Variants in TBL3 observed in about 807,000 individuals in gnomAD.
The protein encoded by TBL3 is transducin beta-like protein 3.
In TBL3, 71 loss-of-function variants were observed where a neutral mutation model predicts 102.7. That is an observed-to-expected ratio of 0.69 (90% CI 0.57 to 0.84). TBL3 has a LOEUF of 0.84. Ranked by LOEUF, TBL3 falls within the 40% of genes least tolerant of loss-of-function variation. The pLI, the probability that TBL3 is intolerant of heterozygous loss-of-function variation, is 0.00. For synonymous variants in TBL3, 578 were observed against 477.7 expected (o/e 1.21, Z -2.74); for missense variants, 1,188 against 1,098.5 (o/e 1.08, Z -1.15).
In TBL3 at chr16:1,975,040, G is replaced by A. The variant is rs1180226636; in HGVS notation, c.577G>A (p.Ala193Thr). The change falls in exon 7 of 22, where the codon GCC becomes ACC. Residue 193 changes from alanine to threonine, a missense_variant. Physicochemically the swap from Ala to Thr is moderately conservative, Grantham distance 58. Transcript: ENST00000568546. ...QDRSCLAVLT[A>T]HYSAVTSLAF... is the part of the protein sequence containing the mutation. ...CCGGTCATGCCTGGCTGTGCTGACTGCCCACTACAGCGCCGTCACCTCACT... is the reference window on the plus strand; with the variant it reads ...CCGGTCATGCCTGGCTGTGCTGACTACCCACTACAGCGCCGTCACCTCACT... 6.2e-7 allele frequency: 1 copy of A among 1,607,418 alleles called. No individual in the cohort carries two copies.
Position 1,975,044 on chromosome 16 carries a change from A to C in TBL3, c.581A>C (p.His194Pro). 5 of 1,607,572 alleles carry C rather than the reference A, an allele frequency of 3.1e-6. 1 individual carries two copies. In the South Asian group the frequency reaches 5.5e-5, roughly 18 times the overall value. ...TCATGCCTGGCTGTGCTGACTGCCC[A>C]CTACAGCGCCGTCACCTCACTGGCC... is the stretch of plus-strand genomic sequence containing the variant. Reference protein sequence around the residue: ...DRSCLAVLTAHYSAVTSLAFS... With the variant: ...DRSCLAVLTAPYSAVTSLAFS... Residue 194 changes from histidine to proline, a missense_variant, in exon 7 of 22, where the codon CAC becomes CCC. By Grantham distance (77) the His-to-Pro change is moderately conservative. Transcript: ENST00000568546.
rs759331123 is a variant in TBL3, at chr16:1,975,523, A to G, written c.806-6A>G. 11 of 1,597,676 alleles carry G rather than the reference A, an allele frequency of 6.9e-6. No individual in the cohort carries two copies. The highest frequency in any genetic ancestry group is 8.5e-6 in the Non-Finnish European group (10 of 1,174,796). On this transcript the variant is annotated splice_region_variant and splice_polypyrimidine_tract_variant and intron_variant, in intron 9 of 21. Coordinates refer to ENST00000568546, the MANE Select transcript of TBL3 (RefSeq NM_006453.3). ...AGTCTCAGCAGCCCTGTCCCCACCC[A>G]CACAGGCACTCTGCGCGTGTGGGAG...
Position 1,979,279 on chromosome 16 carries a change from C to A in TBL3, c.*594C>A. On this transcript the variant is annotated 3_prime_UTR_variant, in exon 22 of 22. Transcript: ENST00000568546. ...TCGTCTCCTCCACGGAACCCCGTCC[C>A]GCTCAGGAGAGCGCCCAGCCCTTCC... 2 of 1,552,680 alleles carry A rather than the reference C, an allele frequency of 1.3e-6. No individual in the cohort carries two copies. Among genetic ancestry groups the A allele is most frequent in the Middle Eastern group, 1.9e-4 (1 of 5,244 alleles).
Position 1,979,599 on chromosome 16 carries a change from G to C in TBL3, c.*914G>C, listed in dbSNP as rs909736102. ...GGGCCACAGAGGACGAGGCCCGCCC[G>C]CACCCTTCTCCACATTCTCCTTGCT... On this transcript the variant is annotated 3_prime_UTR_variant, in exon 22 of 22. Transcript: ENST00000568546. 1.4e-6 allele frequency: 2 copies of C among 1,450,146 alleles called. No individual in the cohort carries two copies. The highest frequency in any genetic ancestry group is 1.8e-5 in the Admixed American group (1 of 56,714). 89.8% of individuals were successfully genotyped at this position (1,450,146 alleles called of 1,614,324 possible).
chr16:1,973,737 G>A (rs1009067199), intron 1 of TBL3, among the ~76,000 whole-genome samples: 1 of 152,280 alleles, frequency 6.6e-6, no homozygotes, highest in African/African-American at 2.4e-5. Flanking sequence ...CGGCAGGGGT[G>A]TTCCCAAGGA....
At chr16:1,972,371 C>T (rs2150881245) in intron 1 of TBL3, among the ~76,000 whole-genome samples, 166 bp downstream of exon 1, 1 of 152,306 alleles carries the variant, frequency 6.6e-6, no homozygotes, top group Non-Finnish European at 1.5e-5. Flanking sequence ...GCGGGAGAGC[C>T]GGCCCCGGCT....
At position 1,975,337 on chromosome 16, in the gene TBL3, G is replaced by A. The variant is rs201113863; in HGVS notation, c.712-8G>A. ...ATGATAGCAGCCTGTGACCCAATTC[G>A]TCTCCAGAGCGTGGAGGCTGCTGTG... On this transcript the variant is annotated splice_region_variant and splice_polypyrimidine_tract_variant and intron_variant, in intron 8 of 21. Coordinates refer to ENST00000568546, the MANE Select transcript of TBL3 (RefSeq NM_006453.3). The A allele has an allele frequency of 2.5e-4, 411 of 1,614,036 alleles. 2 individuals carry two copies. In the East Asian group the frequency reaches 6.0e-3, roughly 23 times the overall value.
rs1193909839 is a variant in TBL3, at chr16:1,982,504, G to A, written c.*3819G>A. On this transcript the variant is annotated 3_prime_UTR_variant, in exon 22 of 22. Coordinates refer to ENST00000568546, the MANE Select transcript of TBL3 (RefSeq NM_006453.3). ...CTGAGGCCACCTGCCTACCCCAGCT[G>A]ACAGCTCCTGCCCCACACCCCATCA... 6.6e-6 allele frequency: 1 copy of A among 152,192 alleles called. No homozygotes were observed. Among genetic ancestry groups the A allele is most frequent in the Non-Finnish European group, 1.5e-5 (1 of 68,094 alleles). The allele number at this position is 152,192 out of a possible 1,614,324, so 9.4% of individuals were successfully genotyped here.
At position 1,977,414 on chromosome 16, in the gene TBL3, A is replaced by G. The variant is rs1229233199; in HGVS notation, c.1730A>G (p.Gln577Arg). The G allele has an allele frequency of 6.3e-7, 1 of 1,579,716 alleles. No homozygotes were observed. The highest frequency in any genetic ancestry group is 2.4e-5 in the East Asian group (1 of 42,484). The change falls in exon 16 of 22, where the codon CAG becomes CGG. Residue 577 changes from glutamine to arginine, a missense_variant. Physicochemically the swap from Gln to Arg is conservative, Grantham distance 43. Transcript: ENST00000568546. ...GTGGCCTTTGTGAGCCGTGGCACGC[A>G]GCTGCTGTCCAGGTGAGTGGGCTGG... ...LKVAFVSRGT[Q>R]LLSSGSDGLV...
At chr16:1,977,692 G>A in intron 17 of TBL3, 22 bp downstream of exon 17, 12 of 1,551,918 alleles carry the variant, frequency 7.7e-6, no homozygotes, top group Non-Finnish European at 1.0e-5. Flanking sequence ...CAAGGGCAGG[G>A]AAGAGTCGGG....
In TBL3 at chr16:1,978,589, C is replaced by G. The variant is rs1204396579; in HGVS notation, c.2331C>G (p.Ala777=). The part of the protein sequence containing the change: ...HFQRLSRTLQ[A]AAFLDFLWHN... ...AGCGGCTCAGCAGGACCCTCCAGGC[C>G]GCCGCTTTCTTGGACTTCCTGTGGC... Residue 777 remains alanine (A), a synonymous_variant, in exon 22 of 22, where the codon GCC becomes GCG. Coordinates refer to ENST00000568546, the MANE Select transcript of TBL3 (RefSeq NM_006453.3). 3 of 1,612,670 alleles carry G rather than the reference C, an allele frequency of 1.9e-6. No individual in the cohort carries two copies. The highest frequency in any genetic ancestry group is 2.5e-6 in the Non-Finnish European group (3 of 1,179,876).
Position 1,974,982 on chromosome 16 carries a change from G to A in TBL3, c.519G>A (p.Thr173=), listed in dbSNP as rs373970436. The A allele has an allele frequency of 4.3e-5, 69 of 1,608,394 alleles. 1 individual carries two copies. Among genetic ancestry groups the A allele is most frequent in the Middle Eastern group, 1.6e-4 (1 of 6,082 alleles). Residue 173 remains threonine (T), a synonymous_variant, in exon 7 of 22, where the codon ACG becomes ACA. Coordinates refer to ENST00000568546, the MANE Select transcript of TBL3 (RefSeq NM_006453.3). ...PTRLLLFSSA[T]DAAIRVWSLQ... is the part of the protein sequence containing the mutation. ...GCCTGCTGCTCTTCTCCTCGGCCACGGATGCCGCCATCCGCGTGTGGTCAC... is the reference window on the plus strand; with the variant it reads ...GCCTGCTGCTCTTCTCCTCGGCCACAGATGCCGCCATCCGCGTGTGGTCAC...
chr16:1,979,041 G>T lies in TBL3; in HGVS notation c.*356G>T. On this transcript the variant is annotated 3_prime_UTR_variant, in exon 22 of 22. Coordinates refer to ENST00000568546, the MANE Select transcript of TBL3 (RefSeq NM_006453.3). ...ATGGCGCGGTCCATCCCCTCATCGG[G>T]ATCCTCGCGCTCACTGCTCCGTCGT... The T allele has an allele frequency of 6.5e-7, 1 of 1,541,544 alleles. No homozygotes were observed.
chr16:1,976,290 G>A lies in TBL3; in HGVS notation c.1268G>A (p.Ser423Asn), dbSNP rs536488813. ...CVAQGSGHTH[S>N]VGTVCCSRLK... Reference sequence around the variant, plus strand: ...GCTCAGGGTTCCGGTCACACACACAGTGTGGGCACCGTCTGCTGCTCTAGG... The same window carrying A: ...GCTCAGGGTTCCGGTCACACACACAATGTGGGCACCGTCTGCTGCTCTAGG... Residue 423 changes from serine (S) to asparagine (N), a missense_variant, in exon 13 of 22, where the codon AGT becomes AAT. Ser to Asn is a conservative substitution (Grantham distance 46, BLOSUM62 1). Coordinates refer to ENST00000568546, the MANE Select transcript of TBL3 (RefSeq NM_006453.3). 52 of 1,613,772 alleles carry A rather than the reference G, an allele frequency of 3.2e-5. No homozygotes were observed. Among genetic ancestry groups the A allele is most frequent in the East Asian group, 4.5e-5 (2 of 44,898 alleles).
In TBL3 at chr16:1,979,767, G is replaced by C. The variant is rs1481975036; in HGVS notation, c.*1082G>C. 6.8e-7 allele frequency: 1 copy of C among 1,479,952 alleles called. No homozygotes were observed. The highest frequency in any genetic ancestry group is 2.1e-5 in the Admixed American group (1 of 46,792). 91.7% of individuals were successfully genotyped at this position (1,479,952 alleles called of 1,614,324 possible). On this transcript the variant is annotated 3_prime_UTR_variant, in exon 22 of 22. Transcript: ENST00000568546. ...CACGGTCAAGCCGCAGTGGTGGCGT[G>C]AGGGGTGGGGTTAGGCGCATACCGC...
In TBL3 at chr16:1,979,677, G is replaced by A. The variant is rs1322568841; in HGVS notation, c.*992G>A. 1 of 1,173,040 alleles carries A rather than the reference G, an allele frequency of 8.5e-7. No homozygotes were observed. The highest frequency in any genetic ancestry group is 1.5e-5 in the African/African-American group (1 of 65,102). The allele number at this position is 1,173,040 out of a possible 1,614,324, so 72.7% of individuals were successfully genotyped here. A position where few individuals can be genotyped will look rare whatever the true frequency, so the allele number is the denominator to read the frequency against. On this transcript the variant is annotated 3_prime_UTR_variant, in exon 22 of 22. Coordinates refer to ENST00000568546, the MANE Select transcript of TBL3 (RefSeq NM_006453.3). ...AAGACCGGTTCGGGGCTTCCTCTAGGTGCGGAGACCAAGCACGGGCTCCTG... is the reference window on the plus strand; with the variant it reads ...AAGACCGGTTCGGGGCTTCCTCTAGATGCGGAGACCAAGCACGGGCTCCTG...
Position 1,979,715 on chromosome 16 carries a change from C to T in TBL3, c.*1030C>T, listed in dbSNP as rs1371593975. 18 of 1,294,784 alleles carry T rather than the reference C, an allele frequency of 1.4e-5. No individual in the cohort carries two copies. The highest frequency in any genetic ancestry group is 2.5e-5 in the East Asian group (1 of 39,436). The allele number at this position is 1,294,784 out of a possible 1,614,324, so 80.2% of individuals were successfully genotyped here. On this transcript the variant is annotated 3_prime_UTR_variant, in exon 22 of 22. Transcript: ENST00000568546. Reference sequence around the variant, plus strand: ...GCACGGGCTCCTGGCCCGCCCTGCCCGCGGTGCTTCTGGCCCAGTCTTGCC... The same window carrying T: ...GCACGGGCTCCTGGCCCGCCCTGCCTGCGGTGCTTCTGGCCCAGTCTTGCC...
Position 1,980,296 on chromosome 16 carries a change from TC to T in TBL3, c.*1618del, listed in dbSNP as rs552247687. 1.4e-5 allele frequency: 22 copies of T among 1,530,280 alleles called. No homozygotes were observed. The highest frequency in any genetic ancestry group is 5.5e-5 in the African/African-American group (4 of 73,326). 94.8% of individuals were successfully genotyped at this position (1,530,280 alleles called of 1,614,324 possible). ...CTCTCTGCCCCTATTCGCTGGCTGT[TC>T]CCCCCCACCCTGGACCTCTCCCAGC... is the stretch of plus-strand genomic sequence containing the variant. On this transcript the variant is annotated 3_prime_UTR_variant, in exon 22 of 22. Coordinates refer to ENST00000568546, the MANE Select transcript of TBL3 (RefSeq NM_006453.3).
In TBL3 at chr16:1,974,381, C is replaced by G. The variant is rs772569204; in HGVS notation, c.195C>G (p.Asp65Glu). 6.2e-7 allele frequency: 1 copy of G among 1,610,196 alleles called. No individual in the cohort carries two copies. The highest frequency in any genetic ancestry group is 1.7e-5 in the Admixed American group (1 of 59,664). ...GAVLRSLEQE[D>E]QEDITAFDLS... ...CACACCACTCTTTCTCCTAGGAGGA[C>G]CAGGAGGACATCACTGCCTTTGACC... is the stretch of plus-strand genomic sequence containing the variant. The change falls in exon 4 of 22, where the codon GAC becomes GAG. Residue 65 changes from aspartate (D) to glutamate (E), a missense_variant. Physicochemically the swap from Asp to Glu is conservative, Grantham distance 45. Transcript: ENST00000568546.
Sources: gnomAD v4.1 joint callset for allele counts (sites outside exome capture counted in the v4.1 genomes callset) on GRCh38, gnomAD v4.1.1 for gene constraint, MANE v1.5 for transcripts, NCBI Gene and HGNC (gene_info 2026-07-23, HGNC 2026-07-21) for gene names.